GRIA4: variants seen among roughly 807,000 people sequenced by gnomAD.
GRIA4 encodes glutamate receptor 4.
A neutral mutation model predicts 104.0 loss-of-function variants in GRIA4; 34 were observed. The ratio of observed to expected loss-of-function variants is 0.33; its 90% CI spans 0.25 to 0.44. GRIA4 has a LOEUF of 0.44. Ranked by LOEUF, GRIA4 falls within the 20% of genes least tolerant of loss-of-function variation. The pLI is 1.00. For synonymous variants in GRIA4, 386 were observed against 381.9 expected, an observed-to-expected ratio of 1.01 and a Z score of -0.13; for missense variants, 750 against 1,096.5, an observed-to-expected ratio of 0.68 and a Z score of 4.46.
chr11:105,841,154 T>C (rs1944377354), intron 4 of GRIA4, among the ~76,000 whole-genome samples: 1 of 152,018 alleles, frequency 6.6e-6, no homozygotes, highest in Non-Finnish European at 1.5e-5. Context: ...TTCTCTCTGA[T>C]ATGTTTCATC....
intron 4 of GRIA4, among the ~76,000 whole-genome samples, chr11:105,775,812 C>G (rs1246269374): frequency 6.6e-6 from 1 of 151,900 alleles, no homozygotes; most frequent in Non-Finnish European, 1.5e-5. Flanking sequence ...CTTTATCAAG[C>G]ATTTAGAAAA....
intron 3 of GRIA4, among the ~76,000 whole-genome samples, chr11:105,717,711 T>TA (rs1279831231): frequency 1.3e-5 from 2 of 152,024 alleles, no homozygotes; most frequent in African/African-American, 4.8e-5. Flanking sequence ...TTTTCTTTTT[T>TA]TTTATTTATT....
chr11:105,739,067 G>A (rs762660172), intron 3 of GRIA4, among the ~76,000 whole-genome samples: 61 of 151,804 alleles, frequency 4.0e-4, no homozygotes, highest in Non-Finnish European at 4.3e-4. Context: ...TAGCCCTTAC[G>A]GTTACGGATT....
chr11:105,730,473 A>G (rs1469306551), intron 3 of GRIA4, among the ~76,000 whole-genome samples: 1 of 152,224 alleles, frequency 6.6e-6, no homozygotes, highest in Admixed American at 6.5e-5. Context: ...TACAGATTCA[A>G]TGCTATTCCC....
intron 4 of GRIA4, among the ~76,000 whole-genome samples, chr11:105,778,187 C>A (rs1591239588): frequency 1.3e-5 from 2 of 152,298 alleles, no homozygotes; most frequent in East Asian, 3.9e-4. Context: ...CCTGTCCAAA[C>A]AACTGAAGGC....
At chr11:105,720,349 T>C (rs1280178536) in intron 3 of GRIA4, among the ~76,000 whole-genome samples, 3 of 152,066 alleles carry the variant, frequency 2.0e-5, no homozygotes, top group Non-Finnish European at 4.4e-5. Flanking sequence ...CCCTTCATCA[T>C]TGCTGAACTG....
At chr11:105,651,144 TA>T (rs1951675277) in intron 3 of GRIA4, among the ~76,000 whole-genome samples, 1 of 152,156 alleles carries the variant, frequency 6.6e-6, no homozygotes, top group Non-Finnish European at 1.5e-5. Flanking sequence ...TTTGGTAAAA[TA>T]AAACTTCACA....
chr11:105,727,136 G>C (rs879104687), intron 3 of GRIA4, among the ~76,000 whole-genome samples: 4 of 151,692 alleles, frequency 2.6e-5, no homozygotes, highest in African/African-American at 9.7e-5. Context: ...CTAAGAACTT[G>C]GAAAAAAGGT....
At chr11:105,761,336 A>C (rs754272522) in intron 4 of GRIA4, among the ~76,000 whole-genome samples, 6 of 152,002 alleles carry the variant, frequency 3.9e-5, no homozygotes, top group Non-Finnish European at 8.8e-5. Context: ...GACATTTTTT[A>C]ATTTTCAATT....
chr11:105,682,200 T>A (rs1056118884), intron 3 of GRIA4, among the ~76,000 whole-genome samples: 1 of 152,200 alleles, frequency 6.6e-6, no homozygotes, highest in African/African-American at 2.4e-5. Context: ...TGAAGTAATG[T>A]TGAATTAATA....
At chr11:105,702,375 T>A (rs1012172386) in intron 3 of GRIA4, among the ~76,000 whole-genome samples, 1 of 152,026 alleles carries the variant, frequency 6.6e-6, no homozygotes, top group South Asian at 2.1e-4. Context: ...GAAAACACAA[T>A]GGTAAATATA....
chr11:105,636,958 G>A (rs978085738), intron 3 of GRIA4, among the ~76,000 whole-genome samples: 3 of 151,996 alleles, frequency 2.0e-5, no homozygotes, highest in Admixed American at 6.6e-5. Context: ...CTTTTCAGTT[G>A]GTTTTAACAG....
chr11:105,794,441 G>GTA (rs1366708899), intron 4 of GRIA4, among the ~76,000 whole-genome samples: 1 of 122,162 alleles, frequency 8.2e-6, no homozygotes, highest in South Asian at 2.6e-4. Flanking sequence ...GGGTGTGTGT[G>GTA]TGTGTGTGTG....
At chr11:105,968,402 G>A (rs571533) in intron 14 of GRIA4, among the ~76,000 whole-genome samples, 86,662 of 151,984 alleles carry the variant, frequency 0.57, 24,728 homozygotes, top group Middle Eastern at 0.63. Flanking sequence ...TTTAATATAA[G>A]GAACAATTAG....
At chr11:105,844,088 T>C (rs1401761311) in intron 4 of GRIA4, among the ~76,000 whole-genome samples, 1 of 152,174 alleles carries the variant, frequency 6.6e-6, no homozygotes, top group Non-Finnish European at 1.5e-5. Context: ...CAGTGCCCAA[T>C]GCCCCCTTTC....
At chr11:105,671,629 G>T (rs1952370668) in intron 3 of GRIA4, among the ~76,000 whole-genome samples, 1 of 111,930 alleles carries the variant, frequency 8.9e-6, no homozygotes, top group Non-Finnish European at 1.6e-5. Context: ...GGTGAGCTGA[G>T]ATCACACCAC....
At chr11:105,673,300 G>A (rs899541389) in intron 3 of GRIA4, among the ~76,000 whole-genome samples, 7 of 152,106 alleles carry the variant, frequency 4.6e-5, no homozygotes. Flanking sequence ...TGTCCTCGGT[G>A]CTGAAACCAT....
intron 3 of GRIA4, among the ~76,000 whole-genome samples, chr11:105,720,357 C>G (rs373243769): frequency 4.6e-5 from 7 of 151,980 alleles, no homozygotes; most frequent in African/African-American, 1.7e-4. Context: ...CATTGCTGAA[C>G]TGTGGTTTTA....
intron 14 of GRIA4, among the ~76,000 whole-genome samples, chr11:105,963,804 G>A (rs146678778): frequency 6.6e-6 from 1 of 151,894 alleles, no homozygotes; most frequent in Non-Finnish European, 1.5e-5. Flanking sequence ...TTGCTTTTTA[G>A]TTTTCTATTG....
Sources: allele counts gnomAD v4.1 joint callset (sites outside exome capture counted in the v4.1 genomes callset), GRCh38; gene constraint gnomAD v4.1.1; transcripts MANE v1.5; gene names NCBI Gene and HGNC (gene_info 2026-07-23, HGNC 2026-07-21).